The following POLQ variants were observed in gnomAD, a reference collection of about 807,000 sequenced individuals.
The protein encoded by POLQ is DNA polymerase theta.
In POLQ, 233 loss-of-function variants were observed where a neutral mutation model predicts 259.2. That is an observed-to-expected ratio of 0.90 (90% confidence interval 0.81 to 1.00). The LOEUF (loss-of-function observed/expected upper bound fraction) is 1.00. Ranked by LOEUF, POLQ falls within the 50% of genes least tolerant of loss-of-function variation. POLQ has a pLI of 0.00. For missense variants in POLQ, 2,871 were observed against 3,051.6 expected, an observed-to-expected ratio of 0.94 and a Z score of 1.39; for synonymous variants, 1,025 against 1,048.8, an observed-to-expected ratio of 0.98 and a Z score of 0.44.
At chr3:121,513,596 A>T (rs1576422624) in intron 9 of POLQ, among the ~76,000 whole-genome samples, 1 of 67,478 alleles carries the variant, frequency 1.5e-5, no homozygotes, top group Non-Finnish European at 2.7e-5. Context: ...GAGAGACTCT[A>T]TCTCAAAAAA....
intron 4 of POLQ, among the ~76,000 whole-genome samples, chr3:121,538,534 C>G (rs1348983905): frequency 6.6e-6 from 1 of 151,030 alleles, no homozygotes; most frequent in Admixed American, 6.6e-5. Flanking sequence ...TAAGCTGTCT[C>G]CAAAATTGTA....
chr3:121,542,631 G>C (rs192848410), intron 2 of POLQ, among the ~76,000 whole-genome samples: 152 of 152,250 alleles, frequency 1.0e-3, no homozygotes, highest in African/African-American at 3.6e-3. Flanking sequence ...TGTGACTGAT[G>C]AGTTTTATGA....
intron 28 of POLQ, 140 bp downstream of exon 28, chr3:121,435,982 A>C: frequency 1.9e-6 from 1 of 532,052 alleles, no homozygotes; most frequent in Non-Finnish European, 3.2e-6. Context: ...AATCCTTAAT[A>C]ATTTCTAATA....
rs571386873 is a variant in POLQ, at chr3:121,545,858, C to T, written c.20G>A (p.Ser7Asn). 5.0e-6 allele frequency: 8 copies of T among 1,614,028 alleles called. No homozygotes were observed. In the East Asian group the frequency reaches 1.6e-4, roughly 31 times the overall value. Reference protein sequence around the residue: MNLLRRSGKRRRSESGS... With the variant: MNLLRRNGKRRRSESGS... Reference sequence around the variant, plus strand: ...TGATTCTGAACGCCGCCGTTTCCCACTCCGACGCAGAAGATTCATGGCAAA... The same window carrying T: ...TGATTCTGAACGCCGCCGTTTCCCATTCCGACGCAGAAGATTCATGGCAAA... Residue 7 changes from serine (S) to asparagine (N), a missense_variant, in exon 1 of 30, where the codon AGT (serine) becomes AAT (asparagine). This residue lies in a region of POLQ where 783 missense variants were observed against 906.2 expected (regional missense o/e 0.86). Transcript: ENST00000264233.
intron 18 of POLQ, among the ~76,000 whole-genome samples, chr3:121,482,529 A>AC (rs965352009): frequency 5.9e-5 from 9 of 151,820 alleles, no homozygotes; most frequent in African/African-American, 1.5e-4. Flanking sequence ...TCAAAAAAAA[A>AC]AAAAAGTGAC....
Position 121,488,925 on chromosome 3 carries a change from C to T in POLQ, c.4006G>A (p.Ala1336Thr). The change falls in exon 16 of 30, where the codon GCA becomes ACA. Residue 1336 changes from alanine (A) to threonine (T), a missense_variant. Physicochemically the swap from Ala to Thr is moderately conservative, Grantham distance 58. Coordinates refer to ENST00000264233, the MANE Select transcript of POLQ (RefSeq NM_199420.4). ...GCTCCTAGTTTGGCATTTTCAGTTG[C>T]CATCTGTTGTATTATTTTCTCTGAC... Reference protein sequence around the residue: ...TQSEKIIQQMATENAKLGAKD... With the variant: ...TQSEKIIQQMTTENAKLGAKD... 1 of 1,614,104 alleles carries T rather than the reference C, an allele frequency of 6.2e-7. No homozygotes were observed.
intron 25 of POLQ, among the ~76,000 whole-genome samples, 175 bp downstream of exon 25, chr3:121,459,875 G>A (rs2047776924): frequency 1.3e-5 from 2 of 151,998 alleles, no homozygotes; most frequent in Admixed American, 6.6e-5. Context: ...TCTTCCTACT[G>A]CCTCCACAAA....
chr3:121,544,994 A>G (rs1260219264), intron 1 of POLQ, 88 bp from the exon 2 acceptor site: 5 of 750,672 alleles, frequency 6.7e-6, no homozygotes, highest in Non-Finnish European at 8.6e-6. Flanking sequence ...TGGAATTCCT[A>G]TGTGTTGAAA....
At position 121,456,830 on chromosome 3, in the gene POLQ, T is replaced by C. The variant is rs1384394675; in HGVS notation, c.7152+3220A>G. On this transcript the variant is annotated intron_variant, in intron 25 of 29. Coordinates refer to ENST00000264233, the MANE Select transcript of POLQ (RefSeq NM_199420.4). The stretch of plus-strand genomic sequence containing the variant: ...TGCCCAAGGTAATTTGTAGATTCAA[T>C]GCCATCCCCATCAAACTACCAATGA... Among the ~76,000 whole-genome samples, 3 of 152,194 alleles carry C rather than the reference T, an allele frequency of 2.0e-5. No homozygotes were observed. The East Asian group carries it at 5.8e-4, about 29-fold the overall frequency.
At chr3:121,455,282 A>G (rs2047723421) in intron 25 of POLQ, among the ~76,000 whole-genome samples, 1 of 143,286 alleles carries the variant, frequency 7.0e-6, no homozygotes, top group South Asian at 2.5e-4. Flanking sequence ...AGAAAGCAGG[A>G]AAGATCCAAA....
chr3:121,466,417 G>A (rs1489032458), intron 24 of POLQ, among the ~76,000 whole-genome samples: 5 of 148,282 alleles, frequency 3.4e-5, no homozygotes, highest in Admixed American at 6.7e-5. Flanking sequence ...TTAGCCAGGC[G>A]CAGTGGCTCA....
chr3:121,444,799 G>A (rs2047619538), intron 26 of POLQ, among the ~76,000 whole-genome samples: 1 of 151,926 alleles, frequency 6.6e-6, no homozygotes, highest in African/African-American at 2.4e-5. Context: ...GTTTTTTGAG[G>A]GTTTTCATGA....
intron 19 of POLQ, among the ~76,000 whole-genome samples, chr3:121,479,154 C>T (rs2047951226): frequency 6.6e-6 from 1 of 151,732 alleles, no homozygotes; most frequent in South Asian, 2.1e-4. Flanking sequence ...AATTAAAAAC[C>T]ATTCTTCTAA....
At chr3:121,525,260 G>C (rs941392716) in intron 7 of POLQ, among the ~76,000 whole-genome samples, 1 of 151,826 alleles carries the variant, frequency 6.6e-6, no homozygotes, top group Non-Finnish European at 1.5e-5. Flanking sequence ...AGAATGGCGT[G>C]AACCTGGGAG....
chr3:121,519,104 T>C (rs1187726126), intron 9 of POLQ, among the ~76,000 whole-genome samples: 1 of 151,952 alleles, frequency 6.6e-6, no homozygotes, highest in Non-Finnish European at 1.5e-5. Context: ...AAAGATGGGA[T>C]GTCAAGTTCC....
At chr3:121,447,201 C>T (rs1390664292) in intron 26 of POLQ, among the ~76,000 whole-genome samples, 1 of 135,318 alleles carries the variant, frequency 7.4e-6, no homozygotes, top group South Asian at 2.4e-4. Flanking sequence ...GAAAGAGTCT[C>T]GCCCTGTCTC....
rs1169267786 is a variant in POLQ at position 121,436,103 on chromosome 3, G to A, written c.7543+19C>T. On this transcript the variant is annotated intron_variant, in intron 28 of 29. Transcript: ENST00000264233. ...TTATTCTCATCATGTTACAGCACAGGCCTCATCTATGAACAAACCTGTTTG... is the reference window on the plus strand; with the variant it reads ...TTATTCTCATCATGTTACAGCACAGACCTCATCTATGAACAAACCTGTTTG... 1.3e-6 allele frequency: 2 copies of A among 1,592,232 alleles called. No individual in the cohort carries two copies. Among genetic ancestry groups the A allele is most frequent in the Admixed American group, 1.7e-5 (1 of 59,890 alleles).
In POLQ at chr3:121,489,674, T is replaced by C. The variant is rs1414461509; in HGVS notation, c.3257A>G (p.Glu1086Gly). The C allele has an allele frequency of 6.2e-7, 1 of 1,613,910 alleles. No homozygotes were observed. The highest frequency in any genetic ancestry group is 2.2e-5 in the East Asian group (1 of 44,872). ...TGAATTTCTAAATTCCGTTTTCTTC[T>C]CATCTAAGGTAAACGGGTCTTCACA... ...SLCEDPFTLD[E>G]KKTEFRNSGP... Residue 1086 changes from glutamate to glycine, a missense_variant, in exon 16 of 30, where the codon GAG (glutamate) becomes GGG (glycine). Glu to Gly is a moderately conservative substitution (Grantham distance 98). This residue lies in a region of POLQ where 2,080 missense variants were observed against 2,126.0 expected (regional missense o/e 0.98). Coordinates refer to ENST00000264233, the MANE Select transcript of POLQ (RefSeq NM_199420.4).
At chr3:121,506,180 A>C (rs1301477794) in intron 12 of POLQ, among the ~76,000 whole-genome samples, 3 of 152,150 alleles carry the variant, frequency 2.0e-5, no homozygotes, top group African/African-American at 7.2e-5. Flanking sequence ...AAGCAAAGTC[A>C]AAAGACAAGT....
Sources: allele counts gnomAD v4.1 joint callset (sites outside exome capture counted in the v4.1 genomes callset), GRCh38; gene constraint gnomAD v4.1.1; regional missense constraint gnomAD v4.1.1; transcripts MANE v1.5; gene names NCBI Gene and HGNC (gene_info 2026-07-23, HGNC 2026-07-21).